Variants in PRDM10 observed in about 807,000 individuals in gnomAD.
The protein encoded by PRDM10 is PR/SET domain 10.
Under a neutral mutation model 133.1 loss-of-function variants are expected in PRDM10, and 65 were observed. The observed-to-expected ratio is 0.49, with a 90% CI of 0.40 to 0.60. The LOEUF (loss-of-function observed/expected upper bound fraction) is 0.60. PRDM10 is among the 20% of genes least tolerant of loss of function. The pLI is 0.00. For synonymous variants in PRDM10, 582 were observed against 580.4 expected (o/e 1.00, Z -0.04); for missense variants, 1,137 against 1,507.1 (o/e 0.75, Z 4.07).
chr11:129,931,005 T>TC lies in PRDM10; in HGVS notation c.1530+10dup, dbSNP rs1565471561. The TC allele has an allele frequency of 6.3e-7, 1 of 1,591,268 alleles. No homozygotes were observed. Among genetic ancestry groups the TC allele is most frequent in the African/African-American group, 1.3e-5 (1 of 74,088 alleles). On this transcript the variant is annotated intron_variant, in intron 11 of 20. Coordinates refer to ENST00000360871, the MANE Select transcript of PRDM10 (RefSeq NM_199437.2). Reference sequence around the variant, plus strand: ...GGCTGGTGCCAGGAGCCGCCGGCTTTCCCCACTTACTCGGATGCGCTTGGC... The same window carrying TC: ...GGCTGGTGCCAGGAGCCGCCGGCTTTCCCCCACTTACTCGGATGCGCTTGGC...
Position 129,918,305 on chromosome 11 carries a change from A to G in PRDM10, c.2214+234T>C, listed in dbSNP as rs1442398077. On this transcript the variant is annotated intron_variant, in intron 14 of 20. Transcript: ENST00000360871. This position sits in a 1 kb window ranked among gnomAD's most constrained non-coding sequence, Gnocchi z 5.3. The stretch of plus-strand genomic sequence containing the variant: ...AAGTGATTAAAAAAAAAAAAAGAAA[A>G]AGAAAAAGACCTCTTACAAGAATTG... Among the ~76,000 whole-genome samples the G allele has an allele frequency of 6.6e-6, 1 of 152,032 alleles. No individual in the cohort carries two copies. The highest frequency in any genetic ancestry group is 2.4e-5 in the African/African-American group (1 of 41,424).
At chr11:129,988,680 A>G (rs1938560557) in intron 1 of PRDM10, among the ~76,000 whole-genome samples, 1 of 151,332 alleles carries the variant, frequency 6.6e-6, no homozygotes, top group African/African-American at 2.4e-5. Flanking sequence ...CCTGGGCTGG[A>G]GTGCAGTGGT....
chr11:129,929,338 C>T, intron 11 of PRDM10: 1 of 1,447,510 alleles, frequency 6.9e-7, no homozygotes, highest in South Asian at 1.3e-5. Context: ...TTAGTAAGTA[C>T]AGGTTGCAAA....
Position 129,961,101 on chromosome 11 carries a change from G to C in PRDM10, c.-118-19C>G. The C allele has an allele frequency of 1.7e-6, 1 of 571,934 alleles. No individual in the cohort carries two copies. The highest frequency in any genetic ancestry group is 2.6e-5 in the South Asian group (1 of 38,218). 35.4% of individuals were successfully genotyped at this position (571,934 alleles called of 1,614,324 possible). ...AGCATGCCTGAGAAAACACAGAAAA[G>C]GAACCAAGACTTTCAGTAGATAAAT... On this transcript the variant is annotated intron_variant, in intron 1 of 20. Transcript: ENST00000360871.
intron 12 of PRDM10, 124 bp downstream of exon 12, chr11:129,924,758 A>G: frequency 5.0e-6 from 4 of 804,954 alleles, no homozygotes; most frequent in Non-Finnish European, 8.0e-6. Flanking sequence ...ATTGTTCTCA[A>G]TTGTAAAGTT....
rs367805024 is a variant in PRDM10, at chr11:129,960,926, T to A, written c.39A>T (p.Thr13=). 5.0e-6 allele frequency: 8 copies of A among 1,614,074 alleles called. No homozygotes were observed. The highest frequency in any genetic ancestry group is 1.3e-5 in the African/African-American group (1 of 74,926). ...SKDESSHVWP[T]SAEHEQNAAQ... The stretch of plus-strand genomic sequence containing the variant: ...CGGCATTCTGTTCATGCTCTGCAGA[T>A]GTCGGCCACACATGCGAGCTTTCAT... The change falls in exon 2 of 21, where the codon ACA becomes ACT. Residue 13 remains threonine (T), a synonymous_variant. Transcript: ENST00000360871.
chr11:129,947,000 G>T, intron 5 of PRDM10, 145 bp downstream of exon 5: 1 of 1,095,236 alleles, frequency 9.1e-7, no homozygotes, highest in Non-Finnish European at 1.3e-6. Flanking sequence ...AAGGCCAGGT[G>T]GGATGAAGCA....
chr11:129,988,407 T>C (rs1938541730), intron 1 of PRDM10, among the ~76,000 whole-genome samples: 1 of 152,158 alleles, frequency 6.6e-6, no homozygotes, highest in African/African-American at 2.4e-5. Context: ...AATTTTTATA[T>C]TGTGGGTAGA....
Position 129,917,169 on chromosome 11 carries a change from G to A in PRDM10, c.2283C>T (p.Ile761=). ...IEEVPELTLP[I]IKPNRDYFCQ... The stretch of plus-strand genomic sequence containing the variant: ...AAAAGTAATCACGATTGGGTTTTAT[G>A]ATGGGTAGAGTTAACTCTGGCACCT... The change falls in exon 15 of 21, where the codon ATC becomes ATT. Residue 761 remains isoleucine, a synonymous_variant. Transcript: ENST00000360871. 1.2e-6 allele frequency: 2 copies of A among 1,613,710 alleles called. No individual in the cohort carries two copies. The highest frequency in any genetic ancestry group is 1.7e-6 in the Non-Finnish European group (2 of 1,179,634).
rs950130702 is a variant in PRDM10, at chr11:129,947,928, A to G, written c.295-558T>C. 2 of 413,588 alleles carry G rather than the reference A, an allele frequency of 4.8e-6. No individual in the cohort carries two copies. Among genetic ancestry groups the G allele is most frequent in the Non-Finnish European group, 9.7e-6 (2 of 206,942 alleles). 25.6% of individuals were successfully genotyped at this position (413,588 alleles called of 1,614,324 possible). A position where few individuals can be genotyped will look rare whatever the true frequency, so the allele number is the denominator to read the frequency against. On this transcript the variant is annotated intron_variant, in intron 4 of 20. Coordinates refer to ENST00000360871, the MANE Select transcript of PRDM10 (RefSeq NM_199437.2). This position sits in a 1 kb window ranked among gnomAD's most constrained non-coding sequence, Gnocchi z 4.6. ...TAGCCATACCACACTGGAGGGGGTA[A>G]ATGAGTTGACCTATCCTCAACCACT...
chr11:129,988,876 G>A (rs1002662615), intron 1 of PRDM10, among the ~76,000 whole-genome samples: 4 of 140,976 alleles, frequency 2.8e-5, no homozygotes, highest in Admixed American at 6.8e-5. Flanking sequence ...TGATCCGCCC[G>A]CCTTGGCCTC....
In PRDM10 at chr11:129,902,146, G is replaced by C. The variant is rs1949858610; in HGVS notation, c.*167C>G. The C allele has an allele frequency of 1.1e-6, 1 of 924,088 alleles. No homozygotes were observed. The allele number at this position is 924,088 out of a possible 1,614,324, so 57.2% of individuals were successfully genotyped here. On this transcript the variant is annotated 3_prime_UTR_variant, in exon 21 of 21. Coordinates refer to ENST00000360871, the MANE Select transcript of PRDM10 (RefSeq NM_199437.2). ...GGGTTTGAAGAGTCAATTTGATAAA[G>C]ATGACCTTGGCAAAATAAACCCCAG...
intron 1 of PRDM10, among the ~76,000 whole-genome samples, chr11:129,998,263 G>A (rs1038666019): frequency 1.4e-4 from 21 of 151,976 alleles, no homozygotes; most frequent in African/African-American, 4.8e-4. Flanking sequence ...CAAAACCACA[G>A]GTGGCTACTA....
chr11:129,994,661 CT>C (rs1253340423), intron 1 of PRDM10, among the ~76,000 whole-genome samples: 1 of 150,304 alleles, frequency 6.7e-6, no homozygotes. Flanking sequence ...TTTTCTTTCT[CT>C]TTTTTTTGAG....
chr11:129,971,331 A>G (rs905567273), intron 1 of PRDM10, among the ~76,000 whole-genome samples: 1 of 152,172 alleles, frequency 6.6e-6, no homozygotes, highest in Non-Finnish European at 1.5e-5. Context: ...TGATTGGTAG[A>G]GCCCAGTGGT....
Position 129,918,821 on chromosome 11 carries a change from G to A in PRDM10, c.2035-103C>T, listed in dbSNP as rs982928063. 5.9e-6 allele frequency: 7 copies of A among 1,181,262 alleles called. No individual in the cohort carries two copies. In the African/African-American group the frequency reaches 7.7e-5, roughly 13 times the overall value. 73.2% of individuals were successfully genotyped at this position (1,181,262 alleles called of 1,614,324 possible). A position where few individuals can be genotyped will look rare whatever the true frequency, so the allele number is the denominator to read the frequency against. ...CAATACAAATTAGCAGTCACCACAA[G>A]CCTCCAAGAGACATTTGAGTTGCTG... On this transcript the variant is annotated intron_variant, in intron 13 of 20. Transcript: ENST00000360871. The surrounding 1 kb of genome is among the most constrained non-coding windows in gnomAD (Gnocchi z 5.3).
At chr11:129,989,295 C>A (rs1040235467) in intron 1 of PRDM10, among the ~76,000 whole-genome samples, 1 of 151,964 alleles carries the variant, frequency 6.6e-6, no homozygotes, top group South Asian at 2.1e-4. Context: ...AACAGCAAGA[C>A]CCTGCCTCTG....
chr11:129,969,663 C>T (rs975862901), intron 1 of PRDM10, among the ~76,000 whole-genome samples: 4 of 151,046 alleles, frequency 2.6e-5, no homozygotes, highest in Admixed American at 6.6e-5. Flanking sequence ...AAAAATTAGC[C>T]GGGCGTGGTG....
intron 1 of PRDM10, among the ~76,000 whole-genome samples, chr11:129,975,611 C>A (rs1269204954): frequency 6.6e-6 from 1 of 152,072 alleles, no homozygotes; most frequent in Non-Finnish European, 1.5e-5. Context: ...AATGAATAAA[C>A]CCTTGCCACC....
Sources: gnomAD v4.1 joint callset for allele counts (sites outside exome capture counted in the v4.1 genomes callset) on GRCh38, gnomAD v4.1.1 for gene constraint, Gnocchi (gnomAD v3.1) non-coding constraint, MANE v1.5 for transcripts, NCBI Gene and HGNC (gene_info 2026-07-23, HGNC 2026-07-21) for gene names.